VGLL4: variants seen among roughly 807,000 people sequenced by gnomAD.
VGLL4 encodes vestigial like family member 4.
A neutral mutation model predicts 21.0 loss-of-function variants in VGLL4; 7 were observed. The ratio of observed to expected loss-of-function variants is 0.33; its 90% CI spans 0.19 to 0.63. VGLL4 has a LOEUF of 0.63. VGLL4 is among the 20% of genes least tolerant of loss of function. VGLL4 has a pLI of 0.78. For synonymous variants in VGLL4, 222 were observed against 173.2 expected (o/e 1.28, Z -2.21); for missense variants, 394 against 425.7 (o/e 0.93, Z 0.66).
chr3:11,697,589 T>C (rs772120744), intron 2 of VGLL4, among the ~76,000 whole-genome samples: 5 of 121,906 alleles, frequency 4.1e-5, no homozygotes, highest in African/African-American at 6.6e-5. Flanking sequence ...GAAGTCACCA[T>C]GATCTTGAGG....
At chr3:11,638,768 A>T (rs557143550) in intron 1 of VGLL4, among the ~76,000 whole-genome samples, 56 of 152,240 alleles carry the variant, frequency 3.7e-4, no homozygotes, top group African/African-American at 1.3e-3. Flanking sequence ...AGTTTCCTGA[A>T]GGTTCTGAGC....
At chr3:11,633,735 C>T (rs1387987056) in intron 1 of VGLL4, 1 of 152,228 alleles carries the variant, frequency 6.6e-6, no homozygotes, top group Non-Finnish European at 1.5e-5. Flanking sequence ...AGAAGAAGCC[C>T]TTGCCCTTGA....
chr3:11,638,674 G>C (rs111652354), intron 1 of VGLL4, among the ~76,000 whole-genome samples: 1,710 of 152,230 alleles, frequency 0.011, 17 homozygotes, highest in South Asian at 0.045. Context: ...TCAAGAGCTC[G>C]TCACTTGATA....
At chr3:11,602,051 A>G (rs2074815873) in intron 1 of VGLL4, 29 bp from the exon 2 acceptor site, 1 of 1,490,312 alleles carries the variant, frequency 6.7e-7, no homozygotes, top group Non-Finnish European at 8.9e-7. Context: ...TGTAGTCACT[A>G]AGCAGGAGAA....
chr3:11,695,145 G>A (rs2076586469), intron 2 of VGLL4, among the ~76,000 whole-genome samples: 1 of 150,822 alleles, frequency 6.6e-6, no homozygotes, highest in African/African-American at 2.4e-5. Flanking sequence ...CTGCCTCCCA[G>A]GTTCAAGCAA....
chr3:11,672,438 C>T (rs1314430353), intron 2 of VGLL4, among the ~76,000 whole-genome samples: 2 of 152,064 alleles, frequency 1.3e-5, no homozygotes, highest in Non-Finnish European at 2.9e-5. Context: ...TTAAAAATAT[C>T]TTAATTCTCA....
intron 1 of VGLL4, among the ~76,000 whole-genome samples, chr3:11,631,043 C>T (rs1311307366): frequency 2.6e-5 from 4 of 152,164 alleles, no homozygotes; most frequent in Non-Finnish European, 4.4e-5. Context: ...ACGCATAAGA[C>T]GACAATGCCA....
chr3:11,657,858 T>G (rs2075979341), intron 2 of VGLL4, among the ~76,000 whole-genome samples: 1 of 152,212 alleles, frequency 6.6e-6, no homozygotes, highest in South Asian at 2.1e-4. Flanking sequence ...TGATGCCAAT[T>G]TACATGGTAT....
intron 1 of VGLL4, among the ~76,000 whole-genome samples, chr3:11,621,196 TATA>T (rs527597636): frequency 6.6e-6 from 1 of 152,336 alleles, no homozygotes; most frequent in East Asian, 1.9e-4. Context: ...TCACATGCCA[TATA>T]ATTCACCCAT....
chr3:11,560,110 G>T (rs1276682947), intron 3 of VGLL4, among the ~76,000 whole-genome samples: 1 of 151,730 alleles, frequency 6.6e-6, no homozygotes, highest in Non-Finnish European at 1.5e-5. Flanking sequence ...TTCAAGCCCT[G>T]TTCAGATCTC....
intron 2 of VGLL4, among the ~76,000 whole-genome samples, chr3:11,597,784 C>G (rs2074682063): frequency 6.6e-6 from 1 of 152,198 alleles, no homozygotes. Context: ...CTTGGCAATA[C>G]TCCTCATCCC....
At chr3:11,641,754 C>T (rs2075691534) in intron 1 of VGLL4, among the ~76,000 whole-genome samples, 1 of 152,128 alleles carries the variant, frequency 6.6e-6, no homozygotes, top group South Asian at 2.1e-4. Flanking sequence ...CTCCCAAATA[C>T]CGAGAGAGAA....
At chr3:11,682,894 T>C (rs1332483854) in intron 2 of VGLL4, among the ~76,000 whole-genome samples, 1 of 152,010 alleles carries the variant, frequency 6.6e-6, no homozygotes, top group Non-Finnish European at 1.5e-5. Context: ...ATGGAAGTCT[T>C]CAAAGGGAAG....
At chr3:11,656,178 T>A (rs1356862583) in intron 2 of VGLL4, among the ~76,000 whole-genome samples, 3 of 152,128 alleles carry the variant, frequency 2.0e-5, no homozygotes, top group Non-Finnish European at 4.4e-5. Context: ...GAGGGGAGAA[T>A]AATGAGAACA....
rs1217023498 is a variant in VGLL4, at chr3:11,653,480, T to C, written c.64+49491A>G. On this transcript the variant is annotated intron_variant, in intron 2 of 5. Transcript: ENST00000273038. The surrounding 1 kb of genome is among the most constrained non-coding windows in gnomAD (Gnocchi z 4.2). ...TGCAGTTGCATAGCATTCATTTGCATTGCTGTCTAGTACTCCATTACTCCA... is the reference window on the plus strand; with the variant it reads ...TGCAGTTGCATAGCATTCATTTGCACTGCTGTCTAGTACTCCATTACTCCA... Among the ~76,000 whole-genome samples the C allele has an allele frequency of 1.3e-5, 2 of 152,224 alleles. No homozygotes were observed. The highest frequency in any genetic ancestry group is 4.8e-5 in the African/African-American group (2 of 41,452).
chr3:11,627,742 T>C (rs937229112), intron 1 of VGLL4, among the ~76,000 whole-genome samples: 2 of 152,178 alleles, frequency 1.3e-5, no homozygotes, highest in African/African-American at 2.4e-5. Flanking sequence ...CACATTTACA[T>C]TAAAGACAAT....
intron 1 of VGLL4, among the ~76,000 whole-genome samples, chr3:11,614,124 T>TA (rs1238728104): frequency 3.3e-5 from 5 of 152,250 alleles, no homozygotes; most frequent in Admixed American, 2.6e-4. Context: ...ACTCTGGACT[T>TA]ACAGGCTTTC....
At chr3:11,679,396 T>C (rs1159995841) in intron 2 of VGLL4, among the ~76,000 whole-genome samples, 1 of 152,020 alleles carries the variant, frequency 6.6e-6, no homozygotes, top group Non-Finnish European at 1.5e-5. Flanking sequence ...TAGAAAAATG[T>C]TTACAGAGCT....
In VGLL4 at chr3:11,628,895, C is replaced by G. The variant is rs867755335; in HGVS notation, c.82+14542G>C. ...TTAAATATGAGATACTACTTTGGAC[C>G]AAACAATTGCCAAAGATTTTGGGGA... is the stretch of plus-strand genomic sequence containing the variant. On this transcript the variant is annotated intron_variant, in intron 1 of 4. Transcript: ENST00000430365. Among the ~76,000 whole-genome samples the G allele has an allele frequency of 6.6e-5, 10 of 152,276 alleles. 1 individual carries two copies. Among genetic ancestry groups the G allele is most frequent in the Middle Eastern group, 3.4e-3 (1 of 294 alleles).
Sources: gnomAD v4.1 joint callset for allele counts (sites outside exome capture counted in the v4.1 genomes callset) on GRCh38, gnomAD v4.1.1 for gene constraint, Gnocchi (gnomAD v3.1) non-coding constraint, MANE v1.5 for transcripts, NCBI Gene and HGNC (gene_info 2026-07-23, HGNC 2026-07-21) for gene names.